MEGF11: variants seen among roughly 807,000 people sequenced by gnomAD.
MEGF11 encodes multiple EGF like domains 11.
MEGF11 carries 126 observed loss-of-function variants against 146.6 expected under a neutral mutation model. That is an observed-to-expected ratio of 0.86 (90% CI 0.74 to 1.00). MEGF11 has a LOEUF of 1.00. Ranked by LOEUF, MEGF11 falls within the 50% of genes least tolerant of loss-of-function variation. The pLI, the probability that MEGF11 is intolerant of heterozygous loss-of-function variation, is 0.00. For missense variants in MEGF11, 1,509 were observed against 1,521.2 expected (o/e 0.99, Z 0.13); for synonymous variants, 532 against 583.4 (o/e 0.91, Z 1.27).
chr15:66,086,728 A>G (rs1026862086), intron 5 of MEGF11, among the ~76,000 whole-genome samples: 12 of 152,254 alleles, frequency 7.9e-5, no homozygotes, highest in African/African-American at 2.7e-4. Context: ...TAAATCACAC[A>G]GGACCTATAA....
At chr15:65,986,884 G>C (rs889147733) in intron 5 of MEGF11, among the ~76,000 whole-genome samples, 1 of 141,138 alleles carries the variant, frequency 7.1e-6, no homozygotes, top group African/African-American at 2.7e-5. Context: ...TGCAACCTCT[G>C]TCTCCTGGGT....
intron 5 of MEGF11, among the ~76,000 whole-genome samples, chr15:66,004,714 G>A (rs2141852662): frequency 6.6e-6 from 1 of 152,206 alleles, no homozygotes; most frequent in South Asian, 2.1e-4. Flanking sequence ...AGGCCAGATA[G>A]GCACTCAATA....
chr15:66,218,119 T>A (rs886779282), intron 1 of MEGF11, among the ~76,000 whole-genome samples: 3 of 152,162 alleles, frequency 2.0e-5, no homozygotes, highest in Admixed American at 1.3e-4. Context: ...TGGTTTTGGC[T>A]GGGTTGTTAC....
intron 4 of MEGF11, among the ~76,000 whole-genome samples, chr15:66,095,859 C>G (rs557319172): frequency 2.6e-5 from 4 of 152,194 alleles, no homozygotes; most frequent in Non-Finnish European, 5.9e-5. Context: ...GCTGGAGCCC[C>G]GCTCGCTTGC....
In MEGF11 at chr15:66,097,864, G is replaced by A. The variant is rs113039541; in HGVS notation, c.302-3370C>T. Among the ~76,000 whole-genome samples the A allele has an allele frequency of 7.6e-4, 116 of 152,256 alleles. 1 individual carries two copies. Among genetic ancestry groups the A allele is most frequent in the African/African-American group, 2.6e-3 (106 of 41,530 alleles). ...GATGCCAAAAGCCTGCTCGCACAGG[G>A]TAAGATGAGTAAGATCCAGCAGCAG... is the stretch of plus-strand genomic sequence containing the variant. On this transcript the variant is annotated intron_variant, in intron 4 of 25. Coordinates refer to ENST00000395614, the MANE Select transcript of MEGF11 (RefSeq NM_001385028.1).
chr15:66,225,903 T>A (rs2091841815), intron 1 of MEGF11, among the ~76,000 whole-genome samples: 1 of 152,156 alleles, frequency 6.6e-6, no homozygotes, highest in Admixed American at 6.5e-5. Context: ...TCCCACCCAC[T>A]GTCATGTCCA....
At chr15:66,139,846 G>A (rs1210340744) in intron 1 of MEGF11, among the ~76,000 whole-genome samples, 1 of 152,224 alleles carries the variant, frequency 6.6e-6, no homozygotes, top group Non-Finnish European at 1.5e-5. Context: ...AGAGAGGCAA[G>A]GCAGGTTATG....
chr15:65,917,433 G>C (rs1378275811), intron 16 of MEGF11, among the ~76,000 whole-genome samples: 1 of 152,162 alleles, frequency 6.6e-6, no homozygotes, highest in African/African-American at 2.4e-5. Context: ...CAAGGGTACT[G>C]GCTAGGTCTC....
At chr15:66,202,849 T>A (rs953311888) in intron 1 of MEGF11, among the ~76,000 whole-genome samples, 1 of 152,192 alleles carries the variant, frequency 6.6e-6, no homozygotes, top group Admixed American at 6.5e-5. Context: ...CGAGGCAGCA[T>A]GTAGAAAGCA....
At chr15:66,166,064 C>T (rs1008635265) in intron 1 of MEGF11, among the ~76,000 whole-genome samples, 1 of 152,136 alleles carries the variant, frequency 6.6e-6, no homozygotes, top group African/African-American at 2.4e-5. Context: ...TCAGACGGTG[C>T]CCATAGTTAC....
At chr15:66,141,403 G>C (rs890788906) in intron 1 of MEGF11, among the ~76,000 whole-genome samples, 1 of 151,952 alleles carries the variant, frequency 6.6e-6, no homozygotes. Flanking sequence ...TGTGAGAAAA[G>C]AGAAGACGAC....
chr15:66,076,472 T>C (rs2085589571), intron 5 of MEGF11, among the ~76,000 whole-genome samples: 1 of 152,212 alleles, frequency 6.6e-6, no homozygotes, highest in Non-Finnish European at 1.5e-5. Context: ...TTTGAGGCCA[T>C]TTACCCAGCC....
chr15:66,073,098 C>T (rs532413647), intron 5 of MEGF11, among the ~76,000 whole-genome samples: 1 of 152,328 alleles, frequency 6.6e-6, no homozygotes, highest in Admixed American at 6.5e-5. Context: ...AGACATGTGG[C>T]CATGTCCCCA....
intron 1 of MEGF11, among the ~76,000 whole-genome samples, chr15:66,253,107 C>T (rs895057621): frequency 3.3e-5 from 5 of 152,242 alleles, no homozygotes; most frequent in Admixed American, 6.5e-5. Context: ...CATCGCCGGC[C>T]GCCGCCGAAA....
At chr15:66,099,331 C>A (rs186268704) in intron 4 of MEGF11, among the ~76,000 whole-genome samples, 1 of 151,732 alleles carries the variant, frequency 6.6e-6, no homozygotes, top group Admixed American at 6.6e-5. Context: ...TACAGGCACG[C>A]GCCACCAAGC....
chr15:65,913,725 C>T lies in MEGF11; in HGVS notation c.2710+12G>A. The T allele has an allele frequency of 6.2e-7, 1 of 1,601,902 alleles. No homozygotes were observed. Among genetic ancestry groups the T allele is most frequent in the Non-Finnish European group, 8.5e-7 (1 of 1,172,980 alleles). On this transcript the variant is annotated intron_variant, in intron 20 of 25. Transcript: ENST00000395614. ...AGGGGAAGAGGAGGGAGGCCAGGAG[C>T]ATGGCCCTTACCTGAGAGGGAGTAG...
At chr15:66,110,376 A>G (rs531227239) in intron 4 of MEGF11, among the ~76,000 whole-genome samples, 6 of 152,174 alleles carry the variant, frequency 3.9e-5, no homozygotes, top group Non-Finnish European at 8.8e-5. Context: ...TACTCTGAAC[A>G]TTCTAAATCA....
intron 1 of MEGF11, among the ~76,000 whole-genome samples, chr15:66,174,715 C>G (rs1244863374): frequency 6.6e-6 from 1 of 152,032 alleles, no homozygotes; most frequent in Non-Finnish European, 1.5e-5. Flanking sequence ...TTGGAAGAAG[C>G]TGCTCTGAGG....
At chr15:65,908,273 T>G (rs941131996) in intron 23 of MEGF11, among the ~76,000 whole-genome samples, 4 of 152,194 alleles carry the variant, frequency 2.6e-5, no homozygotes, top group Admixed American at 2.0e-4. Context: ...AGAAGCCACC[T>G]AGAGCCTGAG....
Sources: gnomAD v4.1 joint callset for allele counts (sites outside exome capture counted in the v4.1 genomes callset) on GRCh38, gnomAD v4.1.1 for gene constraint, MANE v1.5 for transcripts, NCBI Gene and HGNC (gene_info 2026-07-23, HGNC 2026-07-21) for gene names.